Variants in BMP1 observed in about 807,000 individuals in gnomAD.
The protein encoded by BMP1 is mammalian tolloid protein.
Under a neutral mutation model 116.8 loss-of-function variants are expected in BMP1, and 63 were observed. That is an observed-to-expected ratio of 0.54 (90% confidence interval 0.44 to 0.67). BMP1 has a LOEUF of 0.67. Among genes scored for constraint, BMP1 ranks in the 30% least tolerant of loss-of-function variants. The pLI, the probability that BMP1 is intolerant of heterozygous loss-of-function variation, is 0.00. For missense variants in BMP1, 1,183 were observed against 1,358.9 expected (o/e 0.87, Z 2.04); for synonymous variants, 536 against 533.4 (o/e 1.00, Z -0.07).
Position 22,179,708 on chromosome 8 carries a change from C to T in BMP1, c.840C>T (p.Gly280=). 1.2e-6 allele frequency: 2 copies of T among 1,613,990 alleles called. No individual in the cohort carries two copies. The highest frequency in any genetic ancestry group is 1.7e-6 in the Non-Finnish European group (2 of 1,179,856). The change falls in exon 7 of 20, where the codon GGC becomes GGT. Residue 280 remains glycine (G), a synonymous_variant. Coordinates refer to ENST00000306385, the MANE Select transcript of BMP1 (RefSeq NM_006129.5). This position sits in a 1 kb window ranked among gnomAD's most constrained non-coding sequence, Gnocchi z 4.6. The stretch of plus-strand genomic sequence containing the variant: ...TACTTTTCTCCCTCTTCTTCAGGGG[C>T]ATCTTCCTGGATACCATTGTCCCCA... ...MHYARNTFSR[G]IFLDTIVPKY... is the part of the protein sequence containing the mutation.
intron 2 of BMP1, among the ~76,000 whole-genome samples, chr8:22,174,630 T>TC (rs1563241438): frequency 7.3e-6 from 1 of 136,746 alleles, no homozygotes; most frequent in Non-Finnish European, 1.6e-5. Flanking sequence ...TTTCTGTCTT[T>TC]TTTTTTTTTT....
At chr8:22,201,691 C>A in intron 15 of BMP1, 112 bp from the exon 16 acceptor site, 1 of 1,520,402 alleles carries the variant, frequency 6.6e-7, no homozygotes, top group Non-Finnish European at 8.8e-7. Context: ...GCTCTGCCAG[C>A]TGTTGCTCTG....
chr8:22,181,532 A>G (rs1828620708), intron 8 of BMP1, among the ~76,000 whole-genome samples: 1 of 149,780 alleles, frequency 6.7e-6, no homozygotes, highest in African/African-American at 2.5e-5. Context: ...AGAATAATTC[A>G]TTCTGTTCTC....
chr8:22,194,731 G>T lies in BMP1; in HGVS notation c.1451G>T (p.Arg484Leu), dbSNP rs372149080. 6.2e-7 allele frequency: 1 copy of T among 1,603,772 alleles called. No homozygotes were observed. Among genetic ancestry groups the T allele is most frequent in the East Asian group, 2.2e-5 (1 of 44,752 alleles). The change falls in exon 12 of 20, where the codon CGC becomes CTC. Residue 484 changes from arginine (R) to leucine (L), a missense_variant. Transcript: ENST00000306385. The surrounding 1 kb of genome is among the most constrained non-coding windows in gnomAD (Gnocchi z 4.5). ...GLTFQSFEIE[R>L]HDSCAYDYLE... is the part of the protein sequence containing the mutation. ...TGAAGCCTCGACCCCTAGATTGAGC[G>T]CCACGACAGCTGTGCCTACGACTAT...
rs940070590 is a variant in BMP1, at chr8:22,195,597, C to T, written c.1765+10C>T. 48 of 1,610,486 alleles carry T rather than the reference C, an allele frequency of 3.0e-5. No homozygotes were observed. The highest frequency in any genetic ancestry group is 3.9e-5 in the Non-Finnish European group (46 of 1,179,224). ...AAGCGCCGCTGTGAGGGTGAGTGCC[C>T]CCAGACTGCCTCTGACCCTGTTCTT... On this transcript the variant is annotated intron_variant, in intron 13 of 19. Coordinates refer to ENST00000306385, the MANE Select transcript of BMP1 (RefSeq NM_006129.5).
intron 5 of BMP1, 87 bp downstream of exon 5, chr8:22,177,226 C>T: frequency 7.3e-7 from 1 of 1,372,516 alleles, no homozygotes; most frequent in Admixed American, 2.3e-5. Context: ...GTGGCAGCCG[C>T]TCCAGCCAGC....
At chr8:22,177,804 A>T in intron 5 of BMP1, 48 bp from the exon 6 acceptor site, 1 of 1,392,412 alleles carries the variant, frequency 7.2e-7, no homozygotes. Flanking sequence ...CATCCCAGGC[A>T]GACCCACCCC....
At chr8:22,191,791 T>G (rs1256131942) in intron 8 of BMP1, among the ~76,000 whole-genome samples, 1 of 152,218 alleles carries the variant, frequency 6.6e-6, no homozygotes, top group Non-Finnish European at 1.5e-5. Flanking sequence ...TAATTGACTA[T>G]GAAGAGAGCT....
intron 15 of BMP1, among the ~76,000 whole-genome samples, chr8:22,198,235 CT>C (rs1829147843): frequency 6.6e-6 from 1 of 152,198 alleles, no homozygotes; most frequent in South Asian, 2.1e-4. Context: ...TGGGGCTCCC[CT>C]GAACCGGTGG....
At chr8:22,199,615 A>G (rs572882981) in intron 15 of BMP1, among the ~76,000 whole-genome samples, 1 of 152,332 alleles carries the variant, frequency 6.6e-6, no homozygotes, top group Non-Finnish European at 1.5e-5. Flanking sequence ...GCACTGGACT[A>G]GGTTTCTAGG....
chr8:22,202,277 C>G (rs973950019), intron 16 of BMP1, among the ~76,000 whole-genome samples: 8 of 152,226 alleles, frequency 5.3e-5, no homozygotes, highest in Non-Finnish European at 7.3e-5. Context: ...GCCTCCAGAG[C>G]CAGGTGGCCT....
rs369882085 is a variant in BMP1 at position 22,179,700 on chromosome 8, T to A, written c.837-5T>A. 3.2e-5 allele frequency: 51 copies of A among 1,613,756 alleles called. No homozygotes were observed. Among genetic ancestry groups the A allele is most frequent in the Non-Finnish European group, 4.2e-5 (49 of 1,179,828 alleles). On this transcript the variant is annotated splice_polypyrimidine_tract_variant and splice_region_variant and intron_variant, in intron 6 of 19. Coordinates refer to ENST00000306385, the MANE Select transcript of BMP1 (RefSeq NM_006129.5). This position sits in a 1 kb window ranked among gnomAD's most constrained non-coding sequence, Gnocchi z 4.6. ...CTCACCCTTACTTTTCTCCCTCTTC[T>A]TCAGGGGCATCTTCCTGGATACCAT...
At chr8:22,189,411 C>T (rs1828866935) in intron 8 of BMP1, among the ~76,000 whole-genome samples, 1 of 142,168 alleles carries the variant, frequency 7.0e-6, no homozygotes, top group African/African-American at 2.7e-5. Context: ...CAGTTGCCCC[C>T]TGAGGTCTCT....
chr8:22,178,168 G>A (rs1466380236), intron 6 of BMP1, among the ~76,000 whole-genome samples: 3 of 152,226 alleles, frequency 2.0e-5, no homozygotes, highest in Non-Finnish European at 4.4e-5. Flanking sequence ...CCTTACCACC[G>A]TGTGCACCCA....
intron 8 of BMP1, among the ~76,000 whole-genome samples, chr8:22,183,285 G>A (rs867768312): frequency 6.6e-6 from 1 of 152,276 alleles, no homozygotes; most frequent in South Asian, 2.1e-4. Context: ...GGTGTCTGGT[G>A]GGTGTTGGTA....
intron 15 of BMP1, among the ~76,000 whole-genome samples, chr8:22,198,226 G>A (rs1313051919): frequency 6.6e-6 from 1 of 152,136 alleles, no homozygotes; most frequent in Non-Finnish European, 1.5e-5. Context: ...CCAAAGCCTT[G>A]GGGCTCCCCT....
intron 13 of BMP1, chr8:22,196,100 G>C (rs1829078212): frequency 2.1e-6 from 1 of 470,612 alleles, no homozygotes; most frequent in Admixed American, 2.3e-5. Flanking sequence ...GGTTTGTTTT[G>C]TTTTTTCATT....
In BMP1 at chr8:22,197,359, C is replaced by T. The variant is rs369306746; in HGVS notation, c.2046C>T (p.Arg682=). Residue 682 remains arginine, a synonymous_variant, in exon 15 of 20, where the codon CGC becomes CGT. Transcript: ENST00000306385. The stretch of plus-strand genomic sequence containing the variant: ...TCACCTCCCAGTACAACAACATGCG[C>T]GTGGAGTTCAAGTCCGACAACACCG... ...EVITSQYNNM[R]VEFKSDNTVS... is the part of the protein sequence containing the mutation. The T allele has an allele frequency of 2.2e-5, 36 of 1,613,784 alleles. No individual in the cohort carries two copies. The African/African-American group carries it at 3.7e-4, about 17-fold the overall frequency.
In BMP1 at chr8:22,196,796, C is replaced by T. The variant is rs1343660145; in HGVS notation, c.1882C>T (p.Arg628Cys). Residue 628 changes from arginine to cysteine, a missense_variant, in exon 14 of 20, where the codon CGC (arginine) becomes TGC (cysteine). Around this residue, in one of 4 missense-constraint regions of BMP1, gnomAD observed 956 missense variants for 1,135.2 expected, o/e 0.84. Coordinates refer to ENST00000306385, the MANE Select transcript of BMP1 (RefSeq NM_006129.5). The part of the protein sequence containing the change: ...IWQLVAPTQY[R>C]ISLQFDFFET... ...GCAGCTGGTGGCCCCCACCCAGTAC[C>T]GCATCTCCCTGCAGTTTGACTTCTT... is the stretch of plus-strand genomic sequence containing the variant. 8.7e-6 allele frequency: 14 copies of T among 1,613,974 alleles called. No homozygotes were observed. Among genetic ancestry groups the T allele is most frequent in the Admixed American group, 6.7e-5 (4 of 59,992 alleles).
Sources: allele counts gnomAD v4.1 joint callset (sites outside exome capture counted in the v4.1 genomes callset), GRCh38; gene constraint gnomAD v4.1.1; regional missense constraint gnomAD v4.1.1; non-coding constraint Gnocchi (gnomAD v3.1); transcripts MANE v1.5; gene names NCBI Gene and HGNC (gene_info 2026-07-23, HGNC 2026-07-21).